The following TRAPPC13 variants were observed in gnomAD, a reference collection of about 807,000 sequenced individuals.
The protein encoded by TRAPPC13 is trafficking protein particle complex subunit 13.
A neutral mutation model predicts 54.0 loss-of-function variants in TRAPPC13; 39 were observed. That is an observed-to-expected ratio of 0.72 (90% CI 0.56 to 0.94). The LOEUF is 0.94. Among genes scored for constraint, TRAPPC13 ranks in the 40% least tolerant of loss-of-function variants. The probability of loss-of-function intolerance (pLI) is 0.00; values close to 1 mark genes in which losing one functional copy is unlikely to be tolerated. For missense variants in TRAPPC13, 386 were observed against 488.1 expected (o/e 0.79, Z 1.97); for synonymous variants, 148 against 167.7 (o/e 0.88, Z 0.91).
intron 11 of TRAPPC13, chr5:65,663,899 T>C (rs766841289): frequency 1.1e-4 from 22 of 207,064 alleles, no homozygotes; most frequent in Non-Finnish European, 1.8e-4. Flanking sequence ...TGAGAATATA[T>C]GGCAACAAGA....
chr5:65,647,101 A>G lies in TRAPPC13; in HGVS notation c.347A>G (p.Asn116Ser), dbSNP rs757913989. The G allele has an allele frequency of 2.6e-5, 41 of 1,561,148 alleles. No individual in the cohort carries two copies. Among genetic ancestry groups the G allele is most frequent in the African/African-American group, 5.4e-5 (4 of 73,754 alleles). The change falls in exon 5 of 13, where the codon AAT (asparagine) becomes AGT (serine). Residue 116 changes from asparagine (N) to serine (S), a missense_variant. Asn to Ser is a conservative substitution (Grantham distance 46). Coordinates refer to ENST00000399438, the MANE Select transcript of TRAPPC13 (RefSeq NM_024941.4). ...SSQRLNLSASNAAVAELKPDC... is the reference protein window; with the variant it reads ...SSQRLNLSASSAAVAELKPDC... ...CAGCGTTTAAATCTTTCAGCCTCCAATGCTGCAGTGGCTGAACTTAAACCG... is the reference window on the plus strand; with the variant it reads ...CAGCGTTTAAATCTTTCAGCCTCCAGTGCTGCAGTGGCTGAACTTAAACCG...
At chr5:65,627,376 T>C (rs138733513) in intron 1 of TRAPPC13, among the ~76,000 whole-genome samples, 1 of 152,040 alleles carries the variant, frequency 6.6e-6, no homozygotes, top group African/African-American at 2.4e-5. Context: ...AAAGATAATA[T>C]CTTGTTATTC....
At position 65,664,484 on chromosome 5, in the gene TRAPPC13, A is replaced by ATTTC; in HGVS notation, c.1147-19_1147-18insTTCT. 2.0e-6 allele frequency: 3 copies of ATTTC among 1,488,066 alleles called. No individual in the cohort carries two copies. The highest frequency in any genetic ancestry group is 1.2e-5 in the South Asian group (1 of 82,478). The allele number at this position is 1,488,066 out of a possible 1,614,324, so 92.2% of individuals were successfully genotyped here. On this transcript the variant is annotated intron_variant, in intron 12 of 12. Coordinates refer to ENST00000399438, the MANE Select transcript of TRAPPC13 (RefSeq NM_024941.4). ...TCTGAATGAATGAAAACTTAGACTC[A>ATTTC]TCTCTCTCTCTCTCAATAGAGCATC...
chr5:65,656,742 T>TA (rs1756666243), intron 8 of TRAPPC13, among the ~76,000 whole-genome samples: 1 of 150,752 alleles, frequency 6.6e-6, no homozygotes, highest in East Asian at 2.0e-4. Flanking sequence ...CTCATCTCTA[T>TA]AAAAAATACA....
chr5:65,629,623 TGA>T, intron 1 of TRAPPC13: 1 of 1,535,744 alleles, frequency 6.5e-7, no homozygotes, highest in Non-Finnish European at 8.7e-7. Context: ...ATCGACCATG[TGA>T]GAGTGATCCC....
intron 1 of TRAPPC13, chr5:65,630,193 T>TA: frequency 6.5e-7 from 1 of 1,536,018 alleles, no homozygotes; most frequent in Admixed American, 2.0e-5. Context: ...CTTGTAATGC[T>TA]ACAATTCAGA....
intron 5 of TRAPPC13, among the ~76,000 whole-genome samples, chr5:65,648,871 T>C (rs572776900): frequency 6.6e-6 from 1 of 152,324 alleles, no homozygotes; most frequent in South Asian, 2.1e-4. Context: ...TTTTATTTTT[T>C]TAAATACAGT....
rs747903348 is a variant in TRAPPC13, at chr5:65,664,940, T to A, written c.*329T>A. Reference sequence around the variant, plus strand: ...AGAACACGAGTCAGCACACTTTTTATGTAAGGTACAAGATACTAAATATTT... The same window carrying A: ...AGAACACGAGTCAGCACACTTTTTAAGTAAGGTACAAGATACTAAATATTT... On this transcript the variant is annotated 3_prime_UTR_variant, in exon 13 of 13. Coordinates refer to ENST00000399438, the MANE Select transcript of TRAPPC13 (RefSeq NM_024941.4). 3.4e-4 allele frequency: 106 copies of A among 316,348 alleles called. No homozygotes were observed. Among genetic ancestry groups the A allele is most frequent in the Admixed American group, 1.3e-3 (25 of 19,952 alleles). The allele number at this position is 316,348 out of a possible 1,614,324, so 19.6% of individuals were successfully genotyped here. A position where few individuals can be genotyped will look rare whatever the true frequency, so the allele number is the denominator to read the frequency against.
chr5:65,645,802 T>TCAAA (rs1008210425), intron 4 of TRAPPC13, among the ~76,000 whole-genome samples: 11 of 152,136 alleles, frequency 7.2e-5, no homozygotes, highest in African/African-American at 1.2e-4. Flanking sequence ...AGACTCTGTC[T>TCAAA]CAAACAAACA....
chr5:65,647,212 GT>G, intron 5 of TRAPPC13, 30 bp downstream of exon 5: 1 of 1,549,400 alleles, frequency 6.5e-7, no homozygotes, highest in Non-Finnish European at 8.7e-7. Context: ...GTTCTCAAAG[GT>G]TTTTACTTAT....
At chr5:65,634,295 A>G (rs1046393757) in intron 1 of TRAPPC13, among the ~76,000 whole-genome samples, 1 of 151,966 alleles carries the variant, frequency 6.6e-6, no homozygotes, top group African/African-American at 2.4e-5. Context: ...ACTCCCAGCA[A>G]TTTCTTTATA....
intron 4 of TRAPPC13, among the ~76,000 whole-genome samples, chr5:65,642,822 G>T (rs1025477810): frequency 6.6e-6 from 1 of 151,916 alleles, no homozygotes; most frequent in Non-Finnish European, 1.5e-5. Flanking sequence ...CACCACACCT[G>T]GCTAATTATT....
intron 1 of TRAPPC13, among the ~76,000 whole-genome samples, chr5:65,627,579 G>A (rs37251): frequency 0.62 from 93,990 of 151,284 alleles, 29,442 homozygotes; most frequent in South Asian, 0.65. Context: ...GCTGTAAGCC[G>A]AGATTGTGCC....
chr5:65,661,185 CTCT>C (rs1267469221), intron 10 of TRAPPC13: 6 of 234,328 alleles, frequency 2.6e-5, no homozygotes, highest in African/African-American at 1.4e-4. Flanking sequence ...CACATGCTCA[CTCT>C]TCTTCTGATT....
chr5:65,660,034 A>G (rs2150692231), intron 9 of TRAPPC13, among the ~76,000 whole-genome samples: 1 of 150,960 alleles, frequency 6.6e-6, no homozygotes, highest in Admixed American at 6.6e-5. Context: ...TAGCATCTGA[A>G]TTTCTTAATT....
At chr5:65,654,050 C>A (rs1443285347) in intron 7 of TRAPPC13, among the ~76,000 whole-genome samples, 1 of 151,870 alleles carries the variant, frequency 6.6e-6, no homozygotes, top group African/African-American at 2.4e-5. Context: ...TAACTGGCTC[C>A]TAGGAGTCAC....
chr5:65,664,267 G>T lies in TRAPPC13; in HGVS notation c.1029G>T (p.Met343Ile). The change falls in exon 12 of 13, where the codon ATG becomes ATT. Residue 343 changes from methionine to isoleucine, a missense_variant. Physicochemically the swap from Met to Ile is conservative, Grantham distance 10 (BLOSUM62 1). Transcript: ENST00000399438. ...GGACTATGGATCTGGTTTTGGAAATGTGCAATACCAATTCCATCCACTGGT... is the reference window on the plus strand; with the variant it reads ...GGACTATGGATCTGGTTTTGGAAATTTGCAATACCAATTCCATCCACTGGT... ...SERTMDLVLE[M>I]CNTNSIHWCG... 6.2e-7 allele frequency: 1 copy of T among 1,613,890 alleles called. No homozygotes were observed. Among genetic ancestry groups the T allele is most frequent in the East Asian group, 2.2e-5 (1 of 44,876 alleles).
chr5:65,650,108 T>C (rs1342465158), intron 5 of TRAPPC13, among the ~76,000 whole-genome samples: 1 of 149,062 alleles, frequency 6.7e-6, no homozygotes, highest in Non-Finnish European at 1.5e-5. Flanking sequence ...TCTGCCCACC[T>C]CGGCCTCCCA....
At chr5:65,646,357 T>C (rs1756206356) in intron 4 of TRAPPC13, among the ~76,000 whole-genome samples, 1 of 152,222 alleles carries the variant, frequency 6.6e-6, no homozygotes. Context: ...CTCTGACATC[T>C]AATTTTGTTT....
Sources: gnomAD v4.1 joint callset for allele counts (sites outside exome capture counted in the v4.1 genomes callset) on GRCh38, gnomAD v4.1.1 for gene constraint, MANE v1.5 for transcripts, NCBI Gene and HGNC (gene_info 2026-07-23, HGNC 2026-07-21) for gene names.